Variants in CUX1 observed in about 807,000 individuals in gnomAD.
The protein encoded by CUX1 is cut like homeobox 1.
Under a neutral mutation model 158.8 loss-of-function variants are expected in CUX1, and 31 were observed. The ratio of observed to expected loss-of-function variants is 0.20; its 90% confidence interval spans 0.15 to 0.26. The LOEUF (loss-of-function observed/expected upper bound fraction) is 0.26. Among genes scored for constraint, CUX1 ranks in the 10% least tolerant of loss-of-function variants. CUX1 has a pLI of 1.00. For synonymous variants in CUX1, 879 were observed against 862.1 expected, an observed-to-expected ratio of 1.02 and a Z score of -0.34; for missense variants, 1,589 against 2,014.6, an observed-to-expected ratio of 0.79 and a Z score of 4.04.
At chr7:102,120,405 A>G (rs1554493081) in intron 8 of CUX1, among the ~76,000 whole-genome samples, 1 of 152,212 alleles carries the variant, frequency 6.6e-6, no homozygotes, top group Non-Finnish European at 1.5e-5. Context: ...TACATTTTTT[A>G]TAGCTAATGT....
At chr7:101,833,977 G>T (rs1016804126) in intron 1 of CUX1, among the ~76,000 whole-genome samples, 3 of 151,898 alleles carry the variant, frequency 2.0e-5, no homozygotes, top group African/African-American at 7.3e-5. Flanking sequence ...TGCTGGGCCG[G>T]CCCCTCTGAT....
At chr7:101,823,227 C>T (rs1426008598) in intron 1 of CUX1, among the ~76,000 whole-genome samples, 1 of 152,124 alleles carries the variant, frequency 6.6e-6, no homozygotes, top group Non-Finnish European at 1.5e-5. Context: ...GTACAGATCC[C>T]ACCCTCAGGG....
chr7:102,276,439 T>A (rs1273988792), intron 17 of CUX1, among the ~76,000 whole-genome samples: 1 of 152,178 alleles, frequency 6.6e-6, no homozygotes, highest in Non-Finnish European at 1.5e-5. Flanking sequence ...ATAGCTGAGA[T>A]TACAGGCGTC....
intron 11 of CUX1, among the ~76,000 whole-genome samples, chr7:102,179,564 C>T (rs1554513321): frequency 6.6e-6 from 1 of 152,242 alleles, no homozygotes; most frequent in African/African-American, 2.4e-5. Flanking sequence ...GGCTCCCTCC[C>T]ACTAGGCACT....
intron 4 of CUX1, among the ~76,000 whole-genome samples, chr7:102,085,413 C>T (rs1317398054): frequency 6.6e-6 from 1 of 152,072 alleles, no homozygotes; most frequent in African/African-American, 2.4e-5. Context: ...TGGGAGGGAC[C>T]AGTGGGAGGT....
chr7:102,227,878 G>A (rs186112400), intron 21 of CUX1, among the ~76,000 whole-genome samples: 13 of 152,204 alleles, frequency 8.5e-5, no homozygotes, highest in African/African-American at 3.1e-4. Flanking sequence ...GCACCCCCAC[G>A]GGGACCAGTT....
chr7:102,204,591 C>T, intron 19 of CUX1, 35 bp downstream of exon 19: 2 of 1,604,052 alleles, frequency 1.2e-6, no homozygotes, highest in Non-Finnish European at 1.7e-6. Context: ...AGGGGCTGCC[C>T]CCCCATAGCA....
At chr7:101,951,959 G>A (rs1364568424) in intron 2 of CUX1, among the ~76,000 whole-genome samples, 1 of 152,220 alleles carries the variant, frequency 6.6e-6, no homozygotes, top group Non-Finnish European at 1.5e-5. Flanking sequence ...TACAAAAATG[G>A]TGGGCGTGGC....
At chr7:101,999,217 CTTTT>C (rs3988167) in intron 2 of CUX1, among the ~76,000 whole-genome samples, 58 of 85,838 alleles carry the variant, frequency 6.8e-4, no homozygotes, top group Non-Finnish European at 9.4e-4. Flanking sequence ...TTTTTTTTAC[CTTTT>C]TTTTTTTTTT....
chr7:102,273,305 G>C, intron 14 of CUX1: 1 of 1,582,560 alleles, frequency 6.3e-7, no homozygotes, highest in Non-Finnish European at 8.6e-7. Flanking sequence ...GCAGAACCAG[G>C]GGAGGGCACC....
At chr7:102,074,780 T>G (rs1464048106) in intron 4 of CUX1, among the ~76,000 whole-genome samples, 1 of 152,246 alleles carries the variant, frequency 6.6e-6, no homozygotes, top group Admixed American at 6.5e-5. Flanking sequence ...CCACCTGATG[T>G]GTCCGGCAGA....
intron 8 of CUX1, among the ~76,000 whole-genome samples, chr7:102,126,155 A>C (rs1253027553): frequency 1.3e-5 from 2 of 150,138 alleles, no homozygotes; most frequent in Non-Finnish European, 3.0e-5. Context: ...CTGGGACTAC[A>C]AGTGTGCACC....
chr7:102,213,306 C>A (rs1796733794), intron 20 of CUX1, among the ~76,000 whole-genome samples: 2 of 152,230 alleles, frequency 1.3e-5, no homozygotes, highest in South Asian at 4.1e-4. Flanking sequence ...GCTATTCCAT[C>A]CTTGGAAGTT....
intron 1 of CUX1, among the ~76,000 whole-genome samples, chr7:101,877,756 TTGTGTGTGTG>T (rs112494807): frequency 0.033 from 4,923 of 148,890 alleles, 91 homozygotes; most frequent in East Asian, 0.043. Flanking sequence ...ATCCCTCCAA[TTGTGTGTGTG>T]TGTGTGTGTG....
chr7:102,021,381 T>C (rs1819320992), intron 2 of CUX1, among the ~76,000 whole-genome samples: 2 of 152,112 alleles, frequency 1.3e-5, no homozygotes, highest in Non-Finnish European at 2.9e-5. Flanking sequence ...CAGTCATAGC[T>C]CACTGCCATC....
intron 1 of CUX1, among the ~76,000 whole-genome samples, chr7:101,818,368 T>C (rs1166922614): frequency 6.6e-6 from 1 of 152,126 alleles, no homozygotes; most frequent in African/African-American, 2.4e-5. Context: ...CTCTCTTGTC[T>C]TCCTAAATGT....
intron 22 of CUX1, chr7:102,282,814 G>A: frequency 6.8e-7 from 1 of 1,474,468 alleles, no homozygotes; most frequent in South Asian, 1.3e-5. Context: ...CAGCCCCACA[G>A]CGAGCTCCCA....
chr7:102,037,118 C>T (rs1315400492), intron 3 of CUX1, among the ~76,000 whole-genome samples: 3 of 152,322 alleles, frequency 2.0e-5, no homozygotes, highest in Non-Finnish European at 2.9e-5. Context: ...CTTGAGCCCA[C>T]AAGTTGGAGA....
intron 3 of CUX1, among the ~76,000 whole-genome samples, chr7:102,053,628 C>A (rs55704423): frequency 0.14 from 21,582 of 151,962 alleles, 1,601 homozygotes; most frequent in Middle Eastern, 0.21. Context: ...CTTCTACTTT[C>A]TATGTCCAAG....
Sources: allele counts gnomAD v4.1 joint callset (sites outside exome capture counted in the v4.1 genomes callset), GRCh38; gene constraint gnomAD v4.1.1; transcripts MANE v1.5; gene names NCBI Gene and HGNC (gene_info 2026-07-23, HGNC 2026-07-21).